SHPRH: variants seen among roughly 807,000 people sequenced by gnomAD.
The protein encoded by SHPRH is E3 ubiquitin-protein ligase SHPRH.
In SHPRH, 106 loss-of-function variants were observed where a neutral mutation model predicts 202.5. The ratio of observed to expected loss-of-function variants is 0.52; its 90% CI spans 0.45 to 0.62. The LOEUF (loss-of-function observed/expected upper bound fraction) is 0.62. Among genes scored for constraint, SHPRH ranks in the 20% least tolerant of loss-of-function variants. SHPRH has a pLI of 0.00. For synonymous variants in SHPRH, 729 were observed against 686.0 expected (o/e 1.06, Z -0.98); for missense variants, 1,710 against 2,020.0 (o/e 0.85, Z 2.94).
At chr6:145,886,828 C>G in intron 29 of SHPRH, 41 bp from the exon 30 acceptor site, 1 of 1,589,150 alleles carries the variant, frequency 6.3e-7, no homozygotes, top group Non-Finnish European at 8.5e-7. Context: ...AAAGAAACCC[C>G]AAGCCATCAG....
Position 145,950,498 on chromosome 6 carries a change from C to T in SHPRH, c.764-16G>A, listed in dbSNP as rs775641870. On this transcript the variant is annotated splice_polypyrimidine_tract_variant and intron_variant, in intron 3 of 29. Transcript: ENST00000275233. ...TCCAACACATCTGTACATCACACAGCAAATGTACTCAAAAACTGATAGGTT... is the reference window on the plus strand; with the variant it reads ...TCCAACACATCTGTACATCACACAGTAAATGTACTCAAAAACTGATAGGTT... 20 of 1,605,420 alleles carry T rather than the reference C, an allele frequency of 1.2e-5. No homozygotes were observed. The highest frequency in any genetic ancestry group is 1.7e-5 in the Non-Finnish European group (20 of 1,173,894).
chr6:145,902,658 A>C (rs1235118063), intron 25 of SHPRH, among the ~76,000 whole-genome samples: 1 of 152,090 alleles, frequency 6.6e-6, no homozygotes, highest in Non-Finnish European at 1.5e-5. Context: ...AGGGCGCAAT[A>C]TTAATGGTAA....
intron 25 of SHPRH, 37 bp downstream of exon 25, chr6:145,910,411 C>G (rs751748078): frequency 5.1e-5 from 81 of 1,601,984 alleles, no homozygotes; most frequent in Admixed American, 6.7e-5. Context: ...ATTATATTGC[C>G]TTACCTATGC....
intron 9 of SHPRH, 141 bp from the exon 10 acceptor site, chr6:145,942,015 G>C: frequency 1.0e-6 from 1 of 975,042 alleles, no homozygotes; most frequent in East Asian, 2.6e-5. Flanking sequence ...TACCTGTTTG[G>C]AGAAAGACAT....
At chr6:145,913,425 T>C in intron 24 of SHPRH, 53 bp downstream of exon 24, 2 of 1,504,500 alleles carry the variant, frequency 1.3e-6, no homozygotes, top group African/African-American at 1.4e-5. Context: ...GTAGAAACCT[T>C]TGAAAACTGT....
downstream of SHPRH, among the ~76,000 whole-genome samples, chr6:145,882,415 T>A (rs1195635514): frequency 3.3e-5 from 5 of 152,134 alleles, no homozygotes; most frequent in African/African-American, 1.2e-4. Context: ...AATTACGGAC[T>A]TGAGAAGTGA....
intron 2 of SHPRH, among the ~76,000 whole-genome samples, chr6:145,870,652 G>C (rs552519015): frequency 6.6e-6 from 1 of 152,146 alleles, no homozygotes; most frequent in African/African-American, 2.4e-5. Context: ...ATTTCCTTTT[G>C]TTGTGTAGCA....
intron 2 of SHPRH, among the ~76,000 whole-genome samples, chr6:145,952,739 T>C (rs1788110692): frequency 6.6e-6 from 1 of 152,206 alleles, no homozygotes; most frequent in African/African-American, 2.4e-5. Flanking sequence ...TGGGAGAATG[T>C]GATAAGAACA....
At chr6:145,910,137 C>T (rs1283392136) in intron 25 of SHPRH, 1 of 215,576 alleles carries the variant, frequency 4.6e-6, no homozygotes, top group Non-Finnish European at 9.2e-6. Context: ...TCTAATGTAA[C>T]CAGACCTCTG....
intron 28 of SHPRH, among the ~76,000 whole-genome samples, chr6:145,892,972 T>C (rs1051243971): frequency 1.3e-5 from 2 of 151,682 alleles, no homozygotes; most frequent in African/African-American, 4.8e-5. Flanking sequence ...AAGAAAAAAA[T>C]TGGGACAATT....
At chr6:145,950,083 C>G (rs1787819127) in intron 4 of SHPRH, among the ~76,000 whole-genome samples, 181 bp downstream of exon 4, 1 of 152,062 alleles carries the variant, frequency 6.6e-6, no homozygotes. Flanking sequence ...AATGAAGAAA[C>G]TCACAAATTC....
At chr6:145,952,821 G>T (rs915475283) in intron 2 of SHPRH, among the ~76,000 whole-genome samples, 3 of 151,996 alleles carry the variant, frequency 2.0e-5, no homozygotes, top group African/African-American at 7.3e-5. Context: ...TAAAAATGCC[G>T]ATTTCCCCAG....
chr6:145,898,999 AGAC>A (rs1782258194), intron 25 of SHPRH, among the ~76,000 whole-genome samples: 1 of 151,896 alleles, frequency 6.6e-6, no homozygotes, highest in South Asian at 2.1e-4. Flanking sequence ...TTTTTGGTAA[AGAC>A]AGAGTCTTAT....
intron 14 of SHPRH, among the ~76,000 whole-genome samples, chr6:145,927,799 G>A (rs902155057): frequency 2.0e-5 from 3 of 151,896 alleles, no homozygotes; most frequent in Non-Finnish European, 2.9e-5. Flanking sequence ...CAAATAATTT[G>A]CAATTAAAAA....
Position 145,893,241 on chromosome 6 carries a change from C to A in SHPRH, c.4848G>T (p.Gly1616=). ...TTGTCTGTCCAATTCGGTGCACCCT[C>A]CCTATGGCCTGAAGCTCATGGGCAG... ...LNPAHELQAI[G]RVHRIGQTKP... The change falls in exon 28 of 30, where the codon GGG becomes GGT. Residue 1616 remains glycine, a synonymous_variant. Transcript: ENST00000275233. 1 of 1,578,410 alleles carries A rather than the reference C, an allele frequency of 6.3e-7. No individual in the cohort carries two copies. The highest frequency in any genetic ancestry group is 1.2e-5 in the South Asian group (1 of 85,940).
rs774787327 is a variant in SHPRH, at chr6:145,919,433, G to T, written c.4067C>A (p.Ala1356Glu). Reference sequence around the variant, plus strand: ...CACTCTTAGTCGTTCTGTAGCCATTGCAAGTTCATCAACAGCAGACACACG... The same window carrying T: ...CACTCTTAGTCGTTCTGTAGCCATTTCAAGTTCATCAACAGCAGACACACG... ...RNRVSAVDEL[A>E]MATERLRVRD... Residue 1356 changes from alanine to glutamate, a missense_variant, in exon 22 of 30, where the codon GCA becomes GAA. Ala to Glu is a moderately radical substitution (Grantham distance 107). Coordinates refer to ENST00000275233, the MANE Select transcript of SHPRH (RefSeq NM_001042683.3). 8 of 1,613,054 alleles carry T rather than the reference G, an allele frequency of 5.0e-6. No individual in the cohort carries two copies. Among genetic ancestry groups the T allele is most frequent in the East Asian group, 4.5e-5 (2 of 44,848 alleles).
Position 145,936,065 on chromosome 6 carries a change from T to C in SHPRH, c.2570-624A>G, listed in dbSNP as rs147653368. On this transcript the variant is annotated intron_variant, in intron 11 of 29. Transcript: ENST00000275233. ...CTTTTCTGATTCAGCATGCCTTGTA[T>C]TTGTTAGCTTTAGAGCATGGGACTT... 8.1e-4 allele frequency among the ~76,000 whole-genome samples: 124 copies of C among 152,306 alleles called. 2 individuals carry two copies. The East Asian group carries it at 0.02, about 25-fold the overall frequency.
At chr6:145,865,793 T>C (rs1301934249) in intron 2 of SHPRH, among the ~76,000 whole-genome samples, 1 of 152,256 alleles carries the variant, frequency 6.6e-6, no homozygotes, top group African/African-American at 2.4e-5. Flanking sequence ...CAAAGCAGAA[T>C]AGCAGGAAAC....
chr6:145,941,678 T>G lies in SHPRH; in HGVS notation c.2435A>C (p.Glu812Ala). 6.2e-7 allele frequency: 1 copy of G among 1,613,962 alleles called. No individual in the cohort carries two copies. Among genetic ancestry groups the G allele is most frequent in the Non-Finnish European group, 8.5e-7 (1 of 1,179,930 alleles). ...MAIPSPLVAVEWWRICLDEAQ... is the reference protein window; with the variant it reads ...MAIPSPLVAVAWWRICLDEAQ... The stretch of plus-strand genomic sequence containing the variant: ...TTCATCAAGGCAGATCCTCCACCAC[T>G]CCACAGCTACCAGGGGGCTCGGGAT... Residue 812 changes from glutamate to alanine, a missense_variant, in exon 10 of 30, where the codon GAG (glutamate) becomes GCG (alanine). By Grantham distance (107) the Glu-to-Ala change is moderately radical (BLOSUM62 -1). Coordinates refer to ENST00000275233, the MANE Select transcript of SHPRH (RefSeq NM_001042683.3).
Sources: allele counts gnomAD v4.1 joint callset (sites outside exome capture counted in the v4.1 genomes callset), GRCh38; gene constraint gnomAD v4.1.1; transcripts MANE v1.5; gene names NCBI Gene and HGNC (gene_info 2026-07-23, HGNC 2026-07-21).